The following KIF13A variants were observed in gnomAD, a reference collection of about 807,000 sequenced individuals.
The protein encoded by KIF13A is kinesin-like protein KIF13A.
KIF13A carries 79 observed loss-of-function variants against 212.2 expected under a neutral mutation model. The ratio of observed to expected loss-of-function variants is 0.37; its 90% confidence interval spans 0.31 to 0.45. The LOEUF is 0.45. KIF13A is among the 20% of genes least tolerant of loss of function. KIF13A has a pLI of 1.00. For missense variants in KIF13A, 1,901 were observed against 2,209.0 expected (o/e 0.86, Z 2.79); for synonymous variants, 789 against 808.6 (o/e 0.98, Z 0.41).
At chr6:17,882,644 C>T (rs905247481) in intron 3 of KIF13A, among the ~76,000 whole-genome samples, 1 of 152,006 alleles carries the variant, frequency 6.6e-6, no homozygotes, top group Non-Finnish European at 1.5e-5. Flanking sequence ...TCAGCACAAC[C>T]TCTGCCTCCC....
chr6:17,840,488 T>C (rs953883296), intron 9 of KIF13A, among the ~76,000 whole-genome samples: 2 of 152,200 alleles, frequency 1.3e-5, no homozygotes, highest in African/African-American at 4.8e-5. Flanking sequence ...ATTATTTTAA[T>C]TCACACAAGC....
In KIF13A at chr6:17,968,872, C is replaced by T. The variant is rs1451868257; in HGVS notation, c.146+18182G>A. Among the ~76,000 whole-genome samples, 1 of 152,218 alleles carries T rather than the reference C, an allele frequency of 6.6e-6. No homozygotes were observed. The highest frequency in any genetic ancestry group is 1.5e-5 in the Non-Finnish European group (1 of 68,040). The stretch of plus-strand genomic sequence containing the variant: ...GGGCCCAGACTAGAAGCACTAGAAC[C>T]ACCAGTGATGTGACAGACACAACCT... On this transcript the variant is annotated intron_variant, in intron 2 of 38. Transcript: ENST00000259711. This position sits in a 1 kb window ranked among gnomAD's most constrained non-coding sequence, Gnocchi z 4.7.
At chr6:17,940,894 C>T (rs981216330) in intron 2 of KIF13A, among the ~76,000 whole-genome samples, 3 of 149,174 alleles carry the variant, frequency 2.0e-5, no homozygotes, top group Non-Finnish European at 2.9e-5. Flanking sequence ...GGCGCAATCT[C>T]GGCTCACCAC....
chr6:17,822,247 TG>T (rs1419877390), intron 16 of KIF13A, among the ~76,000 whole-genome samples: 2 of 152,076 alleles, frequency 1.3e-5, no homozygotes, highest in Non-Finnish European at 2.9e-5. Flanking sequence ...TTCACCATGT[TG>T]GCTAGGGTGG....
chr6:17,922,436 G>A (rs2150522765), intron 2 of KIF13A, among the ~76,000 whole-genome samples: 1 of 152,188 alleles, frequency 6.6e-6, no homozygotes, highest in South Asian at 2.1e-4. Flanking sequence ...GCAGTGGAAG[G>A]ACATTAACCA....
chr6:17,775,259 T>A (rs1759851896), intron 34 of KIF13A, among the ~76,000 whole-genome samples, 197 bp from the exon 35 acceptor site: 1 of 152,224 alleles, frequency 6.6e-6, no homozygotes, highest in African/African-American at 2.4e-5. Flanking sequence ...TAATTGTATG[T>A]GTATATACTC....
At chr6:17,759,305 A>T (rs958616221), downstream of KIF13A, 2 of 152,076 alleles carry the variant, frequency 1.3e-5, no homozygotes, top group Non-Finnish European at 2.9e-5. Flanking sequence ...CACACACAGA[A>T]ATGTGTACCA....
intron 2 of KIF13A, among the ~76,000 whole-genome samples, chr6:17,938,561 A>G (rs1776673509): frequency 6.6e-6 from 1 of 152,182 alleles, no homozygotes; most frequent in Non-Finnish European, 1.5e-5. Context: ...GCAGCCTGGA[A>G]ACATATGCTT....
At chr6:17,827,372 C>T (rs1224042028) in intron 14 of KIF13A, among the ~76,000 whole-genome samples, 2 of 152,074 alleles carry the variant, frequency 1.3e-5, no homozygotes, top group Non-Finnish European at 2.9e-5. Context: ...GCTGGGATTA[C>T]AGGTGTGAGC....
chr6:17,951,416 C>T lies in KIF13A; in HGVS notation c.146+35638G>A. 1.7e-6 allele frequency: 1 copy of T among 586,540 alleles called. No homozygotes were observed. 36.3% of individuals were successfully genotyped at this position (586,540 alleles called of 1,614,324 possible). On this transcript the variant is annotated intron_variant, in intron 2 of 38. Coordinates refer to ENST00000259711, the MANE Select transcript of KIF13A (RefSeq NM_022113.6). The surrounding 1 kb of genome is among the most constrained non-coding windows in gnomAD (Gnocchi z 4.9). ...AAAGTGCTGGAATTAGAGATGTGAG[C>T]CACTGTGACCAGCCTCAATTTAAAA...
At position 17,951,127 on chromosome 6, in the gene KIF13A, G is replaced by T. The variant is rs1777809802; in HGVS notation, c.146+35927C>A. 5 of 1,194,512 alleles carry T rather than the reference G, an allele frequency of 4.2e-6. No homozygotes were observed. Among genetic ancestry groups the T allele is most frequent in the African/African-American group, 3.2e-5 (2 of 63,258 alleles). The allele number at this position is 1,194,512 out of a possible 1,614,324, so 74.0% of individuals were successfully genotyped here. On this transcript the variant is annotated intron_variant, in intron 2 of 38. Coordinates refer to ENST00000259711, the MANE Select transcript of KIF13A (RefSeq NM_022113.6). The surrounding 1 kb of genome is among the most constrained non-coding windows in gnomAD (Gnocchi z 4.9). Reference sequence around the variant, plus strand: ...AACCATCCATTTATTCATATGTGGGGTCTGATGCAATTCACCTCACGCCAC... The same window carrying T: ...AACCATCCATTTATTCATATGTGGGTTCTGATGCAATTCACCTCACGCCAC...
At chr6:17,793,136 G>A (rs972545073) in intron 25 of KIF13A, among the ~76,000 whole-genome samples, 4 of 152,106 alleles carry the variant, frequency 2.6e-5, no homozygotes, top group Non-Finnish European at 5.9e-5. Flanking sequence ...CTGGAGTGCA[G>A]TGGTATGATC....
intron 18 of KIF13A, among the ~76,000 whole-genome samples, chr6:17,806,696 A>T (rs1762977219): frequency 6.6e-6 from 1 of 152,090 alleles, no homozygotes; most frequent in African/African-American, 2.4e-5. Flanking sequence ...CCTCACTAAC[A>T]TGGTGAAACC....
intron 2 of KIF13A, among the ~76,000 whole-genome samples, chr6:17,975,571 C>G (rs1341279933): frequency 2.0e-5 from 3 of 152,136 alleles, no homozygotes; most frequent in African/African-American, 7.2e-5. Context: ...CAGTACAGAA[C>G]AAAACGCGAA....
rs200009476 is a variant in KIF13A, at chr6:17,780,849, C to T, written c.3727G>A (p.Val1243Ile). 1.3e-5 allele frequency: 21 copies of T among 1,613,758 alleles called. No individual in the cohort carries two copies. The highest frequency in any genetic ancestry group is 1.8e-5 in the Non-Finnish European group (21 of 1,179,852). ...SVHDSVHLNR[V>I]TPQNERIYLI... ...TAAATCCTTTCATTCTGTGGTGTGA[C>T]CCTATTCAAGTGAACAGAATCATGC... is the stretch of plus-strand genomic sequence containing the variant. The change falls in exon 31 of 39, where the codon GTC (valine) becomes ATC (isoleucine). Residue 1243 changes from valine to isoleucine, a missense_variant. By Grantham distance (29) the Val-to-Ile change is conservative (BLOSUM62 3). This residue lies in a region of KIF13A where 687 missense variants were observed against 759.1 expected (regional missense o/e 0.90). Transcript: ENST00000259711.
chr6:17,852,068 A>C (rs1767704883), intron 6 of KIF13A, 26 bp from the exon 7 acceptor site: 8 of 1,230,190 alleles, frequency 6.5e-6, no homozygotes, highest in Non-Finnish European at 8.8e-6. Context: ...AAAAGGAATA[A>C]ATGAATCACA....
chr6:17,987,134 C>G lies in KIF13A; in HGVS notation c.66G>C (p.Leu22=). The G allele has an allele frequency of 6.2e-7, 1 of 1,612,100 alleles. No homozygotes were observed. The highest frequency in any genetic ancestry group is 1.1e-5 in the South Asian group (1 of 90,898). Residue 22 remains leucine, a synonymous_variant, in exon 2 of 39, where the codon CTG becomes CTC. Transcript: ENST00000259711. This position sits in a 1 kb window ranked among gnomAD's most constrained non-coding sequence, Gnocchi z 7.7. The part of the protein sequence containing the change: ...VRPMNRRELE[L]NTKCVVEMEG... ...CCATCTCCACCACGCACTTGGTGTT[C>G]AGTTCCAGTTCTGAAAGCAGAGAGA... is the stretch of plus-strand genomic sequence containing the variant.
intron 20 of KIF13A, 27 bp downstream of exon 20, chr6:17,804,334 C>G: frequency 6.8e-7 from 1 of 1,472,022 alleles, no homozygotes; most frequent in Non-Finnish European, 9.1e-7. Context: ...GAACCACCAT[C>G]GTTCTCCAAG....
Position 17,794,859 on chromosome 6 carries a change from C to T in KIF13A, c.2943-155G>A, listed in dbSNP as rs1030286834. The T allele has an allele frequency of 1.0e-5, 7 of 673,746 alleles. No homozygotes were observed. The highest frequency in any genetic ancestry group is 6.9e-5 in the South Asian group (3 of 43,276). 41.7% of individuals were successfully genotyped at this position (673,746 alleles called of 1,614,324 possible). On this transcript the variant is annotated intron_variant, in intron 23 of 38. Transcript: ENST00000259711. The surrounding 1 kb of genome is among the most constrained non-coding windows in gnomAD (Gnocchi z 4.1). ...TTCCTTATTTAACTCTCAAAACCAA[C>T]CTGTCATATTGTTTCTTTTTATTTA...
Sources: gnomAD v4.1 joint callset for allele counts (sites outside exome capture counted in the v4.1 genomes callset) on GRCh38, gnomAD v4.1.1 for gene constraint, gnomAD v4.1.1 regional missense constraint, Gnocchi (gnomAD v3.1) non-coding constraint, MANE v1.5 for transcripts, NCBI Gene and HGNC (gene_info 2026-07-23, HGNC 2026-07-21) for gene names.